Variants in GAS7 observed in about 807,000 individuals in gnomAD.
GAS7 encodes the protein growth arrest-specific protein 7.
In GAS7, 28 loss-of-function variants were observed where a neutral mutation model predicts 71.1. That is an observed-to-expected ratio of 0.39 (90% CI 0.29 to 0.54). The LOEUF (loss-of-function observed/expected upper bound fraction) is 0.54. Among genes scored for constraint, GAS7 ranks in the 20% least tolerant of loss-of-function variants. GAS7 has a pLI of 0.62. For synonymous variants in GAS7, 258 were observed against 245.8 expected, an observed-to-expected ratio of 1.05 and a Z score of -0.46; for missense variants, 436 against 627.8, an observed-to-expected ratio of 0.69 and a Z score of 3.27.
At position 10,198,441 on chromosome 17, in the gene GAS7, C is replaced by A. The variant is rs374153647; in HGVS notation, c.-51G>T. On this transcript the variant is annotated 5_prime_UTR_variant, in exon 1 of 14. Transcript: ENST00000432992. ...CAGCCTGCATTCCCGCCGAGCCCCACGGGCTGGGCAGCGGCTCCGCGGGGT... is the reference window on the plus strand; with the variant it reads ...CAGCCTGCATTCCCGCCGAGCCCCAAGGGCTGGGCAGCGGCTCCGCGGGGT... 1.3e-4 allele frequency: 177 copies of A among 1,359,008 alleles called. No homozygotes were observed. Among genetic ancestry groups the A allele is most frequent in the Non-Finnish European group, 1.6e-4 (167 of 1,040,948 alleles). 84.2% of individuals were successfully genotyped at this position (1,359,008 alleles called of 1,614,324 possible).
In GAS7 at chr17:9,974,643, C is replaced by A. The variant is rs1306104125; in HGVS notation, c.386-4881G>T. On this transcript the variant is annotated intron_variant, in intron 3 of 13. Transcript: ENST00000432992. This position sits in a 1 kb window ranked among gnomAD's most constrained non-coding sequence, Gnocchi z 4.0. ...AATACACACAGGCACCCACACACTTCATTTCCCTTATAGGCAGTTAAGCAA... is the reference window on the plus strand; with the variant it reads ...AATACACACAGGCACCCACACACTTAATTTCCCTTATAGGCAGTTAAGCAA... 6.6e-6 allele frequency among the ~76,000 whole-genome samples: 1 copy of A among 152,146 alleles called. No homozygotes were observed. The highest frequency in any genetic ancestry group is 2.4e-5 in the African/African-American group (1 of 41,432).
intron 5 of GAS7, among the ~76,000 whole-genome samples, chr17:9,956,529 G>A (rs2069245051): frequency 6.6e-6 from 1 of 152,080 alleles, no homozygotes; most frequent in South Asian, 2.1e-4. Flanking sequence ...CAAGGGCTGT[G>A]AGCTGCCATG....
At chr17:10,099,456 C>T (rs74849098) in intron 1 of GAS7, among the ~76,000 whole-genome samples, 1,982 of 152,278 alleles carry the variant, frequency 0.013, 23 homozygotes, top group Non-Finnish European at 0.018. Context: ...TTAAGTGATC[C>T]GAGAGCAGCA....
intron 1 of GAS7, among the ~76,000 whole-genome samples, chr17:10,083,989 G>A (rs72809330): frequency 8.5e-4 from 130 of 152,208 alleles, no homozygotes; most frequent in Admixed American, 3.1e-3. Flanking sequence ...GCTGTCTTCG[G>A]CCTGGAGGTG....
chr17:9,949,038 G>A (rs1442290935), intron 5 of GAS7, among the ~76,000 whole-genome samples: 1 of 152,206 alleles, frequency 6.6e-6, no homozygotes, highest in Non-Finnish European at 1.5e-5. Flanking sequence ...GCAAGCCAGT[G>A]AGGTACCCAG....
intron 1 of GAS7, chr17:10,059,808 A>G: frequency 1.0e-6 from 1 of 985,154 alleles, no homozygotes; most frequent in Non-Finnish European, 1.2e-6. Context: ...AGCAGCATTT[A>G]TATATAGAAA....
chr17:9,995,779 A>T lies in GAS7; in HGVS notation c.305-13895T>A, dbSNP rs540532838. 5.3e-5 allele frequency among the ~76,000 whole-genome samples: 8 copies of T among 152,310 alleles called. No individual in the cohort carries two copies. In the South Asian group the frequency reaches 1.7e-3, roughly 32 times the overall value. ...ACCTAACAATAGCTTTAGGTGTGCA[A>T]TAATGTAAGTATGAAGGTATTTTGT... On this transcript the variant is annotated intron_variant, in intron 2 of 13. Transcript: ENST00000432992.
At chr17:10,122,423 T>C (rs149514408) in intron 1 of GAS7, among the ~76,000 whole-genome samples, 1 of 152,302 alleles carries the variant, frequency 6.6e-6, no homozygotes, top group East Asian at 1.9e-4. Flanking sequence ...GATGGCCCTA[T>C]TCAAATACTC....
intron 7 of GAS7, 151 bp from the exon 8 acceptor site, chr17:9,940,351 G>A: frequency 2.9e-6 from 2 of 686,744 alleles, no homozygotes; most frequent in Non-Finnish European, 5.3e-6. Context: ...CTGACATGCA[G>A]TAGGTGCTTA....
intron 1 of GAS7, among the ~76,000 whole-genome samples, chr17:10,144,299 A>G (rs1474997485): frequency 2.0e-5 from 3 of 152,206 alleles, no homozygotes; most frequent in Non-Finnish European, 4.4e-5. Flanking sequence ...AAAGACGCCC[A>G]GGAGGACAGG....
intron 1 of GAS7, among the ~76,000 whole-genome samples, chr17:10,159,304 C>T (rs1048296297): frequency 6.6e-6 from 1 of 151,568 alleles, no homozygotes; most frequent in Admixed American, 6.6e-5. Flanking sequence ...AATCCTACCC[C>T]TAGGTGAATA....
chr17:10,029,862 C>CAAT (rs769016617), intron 1 of GAS7, among the ~76,000 whole-genome samples: 1 of 150,976 alleles, frequency 6.6e-6, no homozygotes, highest in Admixed American at 6.6e-5. Context: ...AAAAAAAAAA[C>CAAT]AATAATAATA....
In GAS7 at chr17:9,917,964, C is replaced by G. The variant is rs373995381; in HGVS notation, c.1317+37G>C. 3 of 1,466,886 alleles carry G rather than the reference C, an allele frequency of 2.0e-6. No homozygotes were observed. In the Admixed American group the frequency reaches 5.1e-5, roughly 25 times the overall value. 90.9% of individuals were successfully genotyped at this position (1,466,886 alleles called of 1,614,324 possible). The stretch of plus-strand genomic sequence containing the variant: ...GCGCCAGGCGGCTCTCCCCAGGCCC[C>G]GTGTCGCCCGGGAGCCCCGCTGGGC... On this transcript the variant is annotated intron_variant, in intron 13 of 13. Coordinates refer to ENST00000432992, the MANE Select transcript of GAS7 (RefSeq NM_201433.2).
chr17:10,055,354 G>A (rs1204440119), intron 1 of GAS7, among the ~76,000 whole-genome samples: 1 of 152,188 alleles, frequency 6.6e-6, no homozygotes, highest in Non-Finnish European at 1.5e-5. Flanking sequence ...TGGGGCCGCT[G>A]GGAAGAATGC....
intron 2 of GAS7, among the ~76,000 whole-genome samples, chr17:10,012,274 TC>T (rs2071804454): frequency 2.6e-5 from 4 of 152,220 alleles, no homozygotes; most frequent in African/African-American, 9.6e-5. Flanking sequence ...TGCCTGGCCT[TC>T]CAGTTATATT....
At chr17:10,014,206 C>T (rs895456169) in intron 2 of GAS7, among the ~76,000 whole-genome samples, 8 of 152,246 alleles carry the variant, frequency 5.3e-5, no homozygotes, top group Non-Finnish European at 7.4e-5. Flanking sequence ...GCAGAAAACC[C>T]GGAGGAATCC....
intron 1 of GAS7, among the ~76,000 whole-genome samples, chr17:10,162,066 CAAAAAAAAAAAA>C (rs58368044): frequency 9.7e-6 from 1 of 103,618 alleles, no homozygotes; most frequent in Non-Finnish European, 1.9e-5. Flanking sequence ...GACTCCATCT[CAAAAAAAAAAAA>C]AAAAAAAAAA....
intron 1 of GAS7, among the ~76,000 whole-genome samples, chr17:10,049,343 G>A (rs9913531): frequency 0.078 from 11,925 of 152,118 alleles, 1,121 homozygotes; most frequent in African/African-American, 0.23. Flanking sequence ...TGTCATCAAA[G>A]CCCTCTTTAT....
intron 1 of GAS7, among the ~76,000 whole-genome samples, chr17:10,128,510 C>T (rs1022262143): frequency 3.9e-5 from 6 of 152,222 alleles, no homozygotes; most frequent in African/African-American, 1.4e-4. Context: ...CTCCCCCTCT[C>T]ACCCCCTTAA....
Sources: gnomAD v4.1 joint callset for allele counts (sites outside exome capture counted in the v4.1 genomes callset) on GRCh38, gnomAD v4.1.1 for gene constraint, Gnocchi (gnomAD v3.1) non-coding constraint, MANE v1.5 for transcripts, NCBI Gene and HGNC (gene_info 2026-07-23, HGNC 2026-07-21) for gene names.